Variants in PCDHA4 observed in about 807,000 individuals in gnomAD.
The protein encoded by PCDHA4 is protocadherin alpha 4, also known as protocadherin alpha-4.
PCDHA4 carries 49 observed loss-of-function variants against 61.4 expected under a neutral mutation model. The ratio of observed to expected loss-of-function variants is 0.80; its 90% confidence interval spans 0.63 to 1.01. The LOEUF is 1.01. Among genes scored for constraint, PCDHA4 ranks in the 50% least tolerant of loss-of-function variants. The probability of loss-of-function intolerance (pLI) is 0.00; values close to 1 mark genes in which losing one functional copy is unlikely to be tolerated. For missense variants in PCDHA4, 1,254 were observed against 1,235.8 expected, an observed-to-expected ratio of 1.01 and a Z score of -0.22; for synonymous variants, 590 against 550.3, an observed-to-expected ratio of 1.07 and a Z score of -1.01.
At chr5:140,967,498 T>A (rs1554229623) in intron 1 of PCDHA4, 3 of 1,613,108 alleles carry the variant, frequency 1.9e-6, no homozygotes, top group Non-Finnish European at 2.5e-6. Flanking sequence ...CACAGATCTC[T>A]GTGCGTGTCC....
chr5:140,950,914 T>G (rs1198787949), intron 1 of PCDHA4, among the ~76,000 whole-genome samples: 1 of 152,044 alleles, frequency 6.6e-6, no homozygotes, highest in Non-Finnish European at 1.5e-5. Context: ...TTTATTTTAT[T>G]TCAGTTCTTT....
rs782583105 is a variant in PCDHA4, at chr5:140,807,251, G to A, written c.64G>A (p.Ala22Thr). The A allele has an allele frequency of 1.9e-6, 3 of 1,614,202 alleles. No individual in the cohort carries two copies. Among genetic ancestry groups the A allele is most frequent in the Non-Finnish European group, 1.7e-6 (2 of 1,180,050 alleles). ...RRLLLLLLLL[A>T]AWEAGNGQLH... The stretch of plus-strand genomic sequence containing the variant: ...TCTGCTGCTCTTACTTCTTCTCCTC[G>A]CAGCCTGGGAGGCAGGGAACGGTCA... Residue 22 changes from alanine (A) to threonine (T), a missense_variant, in exon 1 of 4, where the codon GCA becomes ACA. Coordinates refer to ENST00000530339, the MANE Select transcript of PCDHA4 (RefSeq NM_018907.4).
At chr5:140,827,662 C>T (rs183255213) in intron 1 of PCDHA4, among the ~76,000 whole-genome samples, 59 of 152,266 alleles carry the variant, frequency 3.9e-4, no homozygotes, top group Admixed American at 2.4e-3. Flanking sequence ...AAAGCAGTTC[C>T]GTTAACACTT....
Position 140,808,636 on chromosome 5 carries a change from C to T in PCDHA4, c.1449C>T (p.Asp483=). 6.2e-7 allele frequency: 1 copy of T among 1,613,522 alleles called. No homozygotes were observed. Among genetic ancestry groups the T allele is most frequent in the Non-Finnish European group, 8.5e-7 (1 of 1,179,892 alleles). The change falls in exon 1 of 4, where the codon GAC becomes GAT. Residue 483 remains aspartate (D), a synonymous_variant. Transcript: ENST00000530339. ...HIFTVSAWDA[D]AQENALVSYS... ...TCACTGTGTCTGCGTGGGACGCGGA[C>T]GCGCAGGAGAACGCGCTGGTGTCCT...
At chr5:140,821,823 C>G (rs2150110880) in intron 1 of PCDHA4, 25 of 1,613,970 alleles carry the variant, frequency 1.5e-5, no homozygotes, top group African/African-American at 2.7e-5. Context: ...TCCTGCTGCT[C>G]TGGCTTCTCC....
intron 1 of PCDHA4, chr5:140,814,336 G>A (rs1200582823): frequency 6.6e-6 from 1 of 151,804 alleles, no homozygotes; most frequent in African/African-American, 2.4e-5. Context: ...CCCACTGGAA[G>A]GTCTTCTGGG....
chr5:140,939,886 T>C (rs1165679302), intron 1 of PCDHA4, among the ~76,000 whole-genome samples: 1 of 152,242 alleles, frequency 6.6e-6, no homozygotes, highest in Non-Finnish European at 1.5e-5. Flanking sequence ...AGTTGTGTTG[T>C]TCAAATATTC....
At chr5:140,940,398 T>C (rs936966571) in intron 1 of PCDHA4, among the ~76,000 whole-genome samples, 10 of 152,340 alleles carry the variant, frequency 6.6e-5, no homozygotes, top group African/African-American at 2.4e-4. Context: ...TATTGTGTTT[T>C]TCATTTTAAA....
intron 1 of PCDHA4, chr5:140,824,302 G>T: frequency 1.2e-6 from 1 of 834,910 alleles, no homozygotes; most frequent in East Asian, 2.5e-5. Flanking sequence ...TTCTGCTGGG[G>T]TAATAGATTC....
chr5:140,863,047 C>T, intron 1 of PCDHA4: 1 of 560,864 alleles, frequency 1.8e-6, no homozygotes. Context: ...TGTCAGCTGG[C>T]AGCACCCGTT....
intron 1 of PCDHA4, chr5:140,860,591 G>A (rs1379623651): frequency 6.6e-6 from 1 of 152,168 alleles, no homozygotes; most frequent in Non-Finnish European, 1.5e-5. Context: ...TAGGAAAGGA[G>A]TTGGAAGCTC....
chr5:140,843,094 A>G (rs1268827365), intron 1 of PCDHA4: 2 of 1,595,564 alleles, frequency 1.3e-6, no homozygotes, highest in South Asian at 2.2e-5. Flanking sequence ...GCCACGTGGT[A>G]GCGAAGGTGC....
At chr5:140,836,089 G>C (rs2150252436) in intron 1 of PCDHA4, 12 of 1,613,682 alleles carry the variant, frequency 7.4e-6, no homozygotes, top group South Asian at 5.5e-5. Context: ...CTGGCGCCTC[G>C]GGTGGGTGGC....
chr5:140,942,316 A>G (rs1197832358), intron 1 of PCDHA4, among the ~76,000 whole-genome samples: 1 of 152,100 alleles, frequency 6.6e-6, no homozygotes, highest in Non-Finnish European at 1.5e-5. Flanking sequence ...AGGTCGAGGC[A>G]CAAGAATCAC....
intron 1 of PCDHA4, chr5:140,834,269 A>C: frequency 9.7e-7 from 1 of 1,036,048 alleles, no homozygotes; most frequent in Non-Finnish European, 1.4e-6. Flanking sequence ...ACTCTCTTTC[A>C]CTCTTTGGAT....
At chr5:140,946,925 C>T (rs1431365562) in intron 1 of PCDHA4, among the ~76,000 whole-genome samples, 1 of 151,242 alleles carries the variant, frequency 6.6e-6, no homozygotes, top group South Asian at 2.1e-4. Context: ...TTTTATTGAA[C>T]AGTAGAGTGT....
Position 140,881,600 on chromosome 5 carries a change from A to G in PCDHA4, c.2385+72028A>G, listed in dbSNP as rs193128939. On this transcript the variant is annotated intron_variant, in intron 1 of 3. Coordinates refer to ENST00000530339, the MANE Select transcript of PCDHA4 (RefSeq NM_018907.4). ...GTCACATTGAGGGAAATTTATTAAT[A>G]TGATGTGCTTATTCAAAATCTGATA... 3.1e-3 allele frequency among the ~76,000 whole-genome samples: 469 copies of G among 152,338 alleles called. 3 individuals are homozygous for G. Among genetic ancestry groups the G allele is most frequent in the Middle Eastern group, 0.014 (4 of 294 alleles).
At chr5:140,888,645 C>A (rs1275572541) in intron 1 of PCDHA4, among the ~76,000 whole-genome samples, 2 of 152,200 alleles carry the variant, frequency 1.3e-5, no homozygotes, top group African/African-American at 4.8e-5. Context: ...GCAATACTTT[C>A]CTGAGGACAC....
chr5:140,819,827 T>C (rs1029302500), intron 1 of PCDHA4, among the ~76,000 whole-genome samples: 4 of 152,058 alleles, frequency 2.6e-5, no homozygotes, highest in Admixed American at 6.5e-5. Context: ...TGAACTGATA[T>C]TGTTGATGAC....
Sources: allele counts gnomAD v4.1 joint callset (sites outside exome capture counted in the v4.1 genomes callset), GRCh38; gene constraint gnomAD v4.1.1; transcripts MANE v1.5; gene names NCBI Gene and HGNC (gene_info 2026-07-23, HGNC 2026-07-21).